The following SLC8A1 variants were observed in gnomAD, a reference collection of about 807,000 sequenced individuals.
The protein encoded by SLC8A1 is sodium/calcium exchanger 1.
In SLC8A1, 18 loss-of-function variants were observed where a neutral mutation model predicts 68.3. That is an observed-to-expected ratio of 0.26 (90% confidence interval 0.18 to 0.39). The LOEUF is 0.39. Ranked by LOEUF, SLC8A1 falls within the 10% of genes least tolerant of loss-of-function variation. The probability of loss-of-function intolerance (pLI) is 1.00; values close to 1 mark genes in which losing one functional copy is unlikely to be tolerated. For synonymous variants in SLC8A1, 475 were observed against 415.5 expected, an observed-to-expected ratio of 1.14 and a Z score of -1.74; for missense variants, 985 against 1,156.7, an observed-to-expected ratio of 0.85 and a Z score of 2.15.
chr2:40,306,881 C>G (rs2072723729), intron 2 of SLC8A1, among the ~76,000 whole-genome samples: 1 of 152,048 alleles, frequency 6.6e-6, no homozygotes, highest in South Asian at 2.1e-4. Context: ...TGTGATGAGT[C>G]AGAGAATAAA....
At chr2:40,225,015 T>C (rs1041167371) in intron 2 of SLC8A1, among the ~76,000 whole-genome samples, 1 of 152,148 alleles carries the variant, frequency 6.6e-6, no homozygotes, top group African/African-American at 2.4e-5. Context: ...CCTGGGCCTA[T>C]CATTTCTGGT....
chr2:40,342,971 C>T (rs191387124), intron 2 of SLC8A1, among the ~76,000 whole-genome samples: 2 of 152,122 alleles, frequency 1.3e-5, no homozygotes, highest in Admixed American at 6.5e-5. Flanking sequence ...ATGGTAACCA[C>T]GATTCCAGTC....
chr2:40,364,859 T>G (rs1675628257), intron 2 of SLC8A1, among the ~76,000 whole-genome samples: 1 of 152,092 alleles, frequency 6.6e-6, no homozygotes, highest in Admixed American at 6.6e-5. Context: ...CTGCAATTTT[T>G]TTTTCTTTTA....
intron 2 of SLC8A1, among the ~76,000 whole-genome samples, chr2:40,290,536 G>A (rs2069121716): frequency 6.6e-6 from 1 of 152,254 alleles, no homozygotes; most frequent in Non-Finnish European, 1.5e-5. Context: ...AGATCTTGCT[G>A]CTGTCACATT....
At chr2:40,433,184 A>G (rs770301947) in intron 1 of SLC8A1, among the ~76,000 whole-genome samples, 1 of 152,092 alleles carries the variant, frequency 6.6e-6, no homozygotes. Context: ...AAAACTCTTC[A>G]TTGGTTTCCC....
intron 6 of SLC8A1, among the ~76,000 whole-genome samples, chr2:40,153,441 T>C (rs527665678): frequency 2.0e-5 from 3 of 152,216 alleles, no homozygotes; most frequent in Non-Finnish European, 4.4e-5. Flanking sequence ...ACTTTATTTG[T>C]CATCCATGTT....
At chr2:40,260,994 G>A (rs1041229823) in intron 2 of SLC8A1, among the ~76,000 whole-genome samples, 2 of 152,208 alleles carry the variant, frequency 1.3e-5, no homozygotes, top group African/African-American at 2.4e-5. Flanking sequence ...GTGAAGAACA[G>A]GAAGGGAGAG....
intron 2 of SLC8A1, among the ~76,000 whole-genome samples, chr2:40,346,436 C>T (rs1482357154): frequency 6.6e-6 from 1 of 152,110 alleles, no homozygotes; most frequent in Non-Finnish European, 1.5e-5. Context: ...AAATTAGCAT[C>T]TCTGGGCAGA....
At chr2:40,312,573 G>A (rs2073872818) in intron 2 of SLC8A1, among the ~76,000 whole-genome samples, 1 of 152,010 alleles carries the variant, frequency 6.6e-6, no homozygotes, top group Admixed American at 6.6e-5. Context: ...GTATAAATAT[G>A]TATATGGAAG....
chr2:40,138,310 A>G (rs1156543226), intron 7 of SLC8A1, among the ~76,000 whole-genome samples: 3 of 152,194 alleles, frequency 2.0e-5, no homozygotes, highest in African/African-American at 7.2e-5. Flanking sequence ...AGGCTTGACA[A>G]CTATGGCAAA....
At chr2:40,426,347 C>T (rs970993052) in intron 2 of SLC8A1, among the ~76,000 whole-genome samples, 1 of 151,894 alleles carries the variant, frequency 6.6e-6, no homozygotes. Flanking sequence ...CAATTTTCAC[C>T]AACTCCACCA....
intron 2 of SLC8A1, among the ~76,000 whole-genome samples, chr2:40,267,805 T>G (rs2065537753): frequency 6.6e-6 from 1 of 152,196 alleles, no homozygotes; most frequent in Non-Finnish European, 1.5e-5. Flanking sequence ...TTCAGTGAGT[T>G]TCAGGTGTGC....
chr2:40,338,835 A>G (rs1182403589), intron 2 of SLC8A1, among the ~76,000 whole-genome samples: 1 of 152,248 alleles, frequency 6.6e-6, no homozygotes, highest in African/African-American at 2.4e-5. Flanking sequence ...TTAATTACAC[A>G]TAGCTGTGAC....
intron 2 of SLC8A1, among the ~76,000 whole-genome samples, chr2:40,217,089 C>G (rs984679114): frequency 2.6e-5 from 4 of 151,666 alleles, no homozygotes; most frequent in African/African-American, 9.6e-5. Flanking sequence ...TAGATATTGC[C>G]TAGGTTTTCT....
chr2:40,192,793 G>T (rs941619544), intron 2 of SLC8A1, among the ~76,000 whole-genome samples: 3 of 151,938 alleles, frequency 2.0e-5, no homozygotes, highest in African/African-American at 7.2e-5. Context: ...CCTCTTAATA[G>T]ATTTAATTAA....
chr2:40,284,117 A>G (rs1282473340), intron 2 of SLC8A1, among the ~76,000 whole-genome samples: 44 of 152,046 alleles, frequency 2.9e-4, no homozygotes, highest in Admixed American at 2.9e-3. Context: ...TTGCACACGA[A>G]TTACATTGTT....
Position 40,430,323 on chromosome 2 carries a change from G to C in SLC8A1, c.-24-19C>G. ...CAACCTACTGGTAAAAATAAGATGG[G>C]GGAGAGGGCAGAAAAAAAGTCATGT... On this transcript the variant is annotated intron_variant, in intron 1 of 7. Transcript: ENST00000406785. 6.5e-7 allele frequency: 1 copy of C among 1,549,446 alleles called. No homozygotes were observed. Among genetic ancestry groups the C allele is most frequent in the South Asian group, 1.3e-5 (1 of 79,476 alleles).
chr2:40,304,060 T>C (rs1263377659), intron 2 of SLC8A1, among the ~76,000 whole-genome samples: 3 of 152,214 alleles, frequency 2.0e-5, no homozygotes, highest in Non-Finnish European at 2.9e-5. Flanking sequence ...CCAGGAGCTG[T>C]TGCATAAATG....
chr2:40,275,897 C>T (rs1249762784), intron 2 of SLC8A1, among the ~76,000 whole-genome samples: 1 of 152,138 alleles, frequency 6.6e-6, no homozygotes, highest in Admixed American at 6.5e-5. Context: ...AGGGCTGACT[C>T]TCCTGCAAGT....
Sources: allele counts gnomAD v4.1 joint callset (sites outside exome capture counted in the v4.1 genomes callset), GRCh38; gene constraint gnomAD v4.1.1; transcripts MANE v1.5; gene names NCBI Gene and HGNC (gene_info 2026-07-23, HGNC 2026-07-21).